KRABD3: variants seen among roughly 807,000 people sequenced by gnomAD.
KRABD3 encodes the protein KRAB domain-containing protein 3.
At chr7:149,724,799 C>G in the KRABD3 span, 2 of 1,600,150 alleles carry the variant, frequency 1.2e-6, no homozygotes, top group Non-Finnish European at 1.7e-6. Context: ...CCCTCAGCCA[C>G]TGGAGACACC....
At chr7:149,730,786 C>T in the KRABD3 span, 47 of 599,874 alleles carry the variant, frequency 7.8e-5, no homozygotes, top group Non-Finnish European at 1.1e-4. Flanking sequence ...GTCTGAGCCA[C>T]TCACTTGATG....
chr7:149,719,927 A>G, the KRABD3 span: 4 of 1,438,120 alleles, frequency 2.8e-6, no homozygotes, highest in South Asian at 4.3e-5. The surrounding 1 kb of genome is among the most constrained non-coding windows in gnomAD (Gnocchi z 5.6). Flanking sequence ...ACAGACCTGC[A>G]GGGGCCTGGG....
At chr7:149,733,591 A>G in the KRABD3 span, 1 of 1,597,956 alleles carries the variant, frequency 6.3e-7, no homozygotes, top group Non-Finnish European at 8.5e-7. Context: ...GGCAGAAGGG[A>G]CCCACGAGGC....
chr7:149,719,910 A>G, the KRABD3 span: 1 of 1,382,416 alleles, frequency 7.2e-7, no homozygotes, highest in Non-Finnish European at 9.6e-7. The surrounding 1 kb of genome is among the most constrained non-coding windows in gnomAD (Gnocchi z 5.6). Context: ...TGGTCACATG[A>G]ATGTGCACAG....
At chr7:149,718,451 C>G in the KRABD3 span, among the ~76,000 whole-genome samples, 2 of 150,400 alleles carry the variant, frequency 1.3e-5, no homozygotes, top group Admixed American at 6.6e-5. Flanking sequence ...ATTTTAAATT[C>G]AAGCCTATTG....
chr7:149,734,037 G>A, the KRABD3 span: 1 of 1,604,180 alleles, frequency 6.2e-7, no homozygotes, highest in South Asian at 1.1e-5. Context: ...CCGAGATGGG[G>A]GGCGCATTGA....
the KRABD3 span, chr7:149,733,418 G>A: frequency 6.3e-7 from 1 of 1,599,504 alleles, no homozygotes; most frequent in Non-Finnish European, 8.5e-7. Context: ...CACAGCGCTG[G>A]CAGGCCTGGC....
chr7:149,721,221 C>T, the KRABD3 span, among the ~76,000 whole-genome samples: 3 of 152,364 alleles, frequency 2.0e-5, no homozygotes, highest in East Asian at 1.9e-4. Flanking sequence ...TGTCACCCTC[C>T]ACCCACCATG....
the KRABD3 span, among the ~76,000 whole-genome samples, chr7:149,731,390 C>T: frequency 6.6e-6 from 1 of 152,200 alleles, no homozygotes; most frequent in Non-Finnish European, 1.5e-5. Context: ...GGAAGTCTCA[C>T]TGGGGCAGGA....
the KRABD3 span, chr7:149,733,381 C>G: frequency 6.2e-7 from 1 of 1,611,770 alleles, no homozygotes; most frequent in Admixed American, 1.7e-5. Context: ...TCGGTGCTGC[C>G]CTTGCGGAGA....
chr7:149,725,959 C>T, the KRABD3 span: 15 of 1,603,356 alleles, frequency 9.4e-6, no homozygotes, highest in Non-Finnish European at 1.3e-5. Flanking sequence ...AGGCCCCTGG[C>T]CCCCCGAGGA....
At chr7:149,717,407 G>C in the KRABD3 span, among the ~76,000 whole-genome samples, 1 of 152,232 alleles carries the variant, frequency 6.6e-6, no homozygotes, top group African/African-American at 2.4e-5. Context: ...GCGGTCTAGG[G>C]CTGCTCTGCA....
the KRABD3 span, chr7:149,728,634 C>CGAGGAGAGCAGAGCCCAGGAA: frequency 6.2e-7 from 1 of 1,613,442 alleles, no homozygotes; most frequent in Non-Finnish European, 8.5e-7. Flanking sequence ...GACAGGGGAC[C>CGAGGAGAGCAGAGCCCAGGAA]GAGGAGAGCA....
chr7:149,716,399 G>A, the KRABD3 span, among the ~76,000 whole-genome samples: 6 of 152,230 alleles, frequency 3.9e-5, no homozygotes, highest in Admixed American at 6.5e-5. Context: ...AGTGGGGCCC[G>A]AGGAGGAAGG....
the KRABD3 span, chr7:149,723,010 AGCGATTCCTCCT>A: frequency 1.5e-6 from 2 of 1,364,224 alleles, no homozygotes; most frequent in Non-Finnish European, 2.0e-6. Context: ...GCATTTCAAC[AGCGATTCCTCCT>A]GCTCCAAACT....
the KRABD3 span, among the ~76,000 whole-genome samples, chr7:149,730,939 G>T: frequency 6.6e-6 from 1 of 152,238 alleles, no homozygotes; most frequent in African/African-American, 2.4e-5. Context: ...CCAGCTGGGG[G>T]TACTTCTTGG....
At chr7:149,722,274 A>G in the KRABD3 span, 15 of 1,059,434 alleles carry the variant, frequency 1.4e-5, no homozygotes, top group Admixed American at 2.9e-4. Flanking sequence ...CAGTTAAACC[A>G]GAAAGAAACG....
chr7:149,721,072 T>G, the KRABD3 span: 3 of 1,513,316 alleles, frequency 2.0e-6, no homozygotes, highest in Non-Finnish European at 2.7e-6. Context: ...CTGCACTGCA[T>G]GTGGGCTTGC....
the KRABD3 span, chr7:149,730,095 G>A: frequency 3.5e-6 from 5 of 1,448,034 alleles, no homozygotes; most frequent in Non-Finnish European, 4.6e-6. Context: ...CTAAGGCAGA[G>A]ACCTGGCTCT....
Sources: gnomAD v4.1 joint callset for allele counts (sites outside exome capture counted in the v4.1 genomes callset) on GRCh38, gnomAD v4.1.1 for gene constraint, Gnocchi (gnomAD v3.1) non-coding constraint, MANE v1.5 for transcripts, NCBI Gene and HGNC (gene_info 2026-07-23, HGNC 2026-07-21) for gene names.